The following BORCS5 variants were observed in gnomAD, a reference collection of about 807,000 sequenced individuals.
BORCS5 encodes BLOC-1-related complex subunit 5.
A neutral mutation model predicts 22.1 loss-of-function variants in BORCS5; 17 were observed. The observed-to-expected ratio is 0.77, with a 90% CI of 0.53 to 1.15. The LOEUF (loss-of-function observed/expected upper bound fraction) is 1.15. Among genes scored for constraint, BORCS5 ranks in the 50% most tolerant of loss-of-function variants. The pLI, the probability that BORCS5 is intolerant of heterozygous loss-of-function variation, is 0.00. For missense variants in BORCS5, 247 were observed against 253.2 expected (o/e 0.98, Z 0.17); for synonymous variants, 117 against 99.8 (o/e 1.17, Z -1.03).
intron 2 of BORCS5, among the ~76,000 whole-genome samples, chr12:12,429,559 G>A (rs1335071395): frequency 6.6e-6 from 1 of 151,966 alleles, no homozygotes; most frequent in African/African-American, 2.4e-5. Context: ...GGCTGCAATT[G>A]TGATTTATAA....
In BORCS5 at chr12:12,374,144, C is replaced by T. The variant is rs965189733; in HGVS notation, c.202+12795C>T. On this transcript the variant is annotated intron_variant, in intron 2 of 3. Coordinates refer to ENST00000314565, the MANE Select transcript of BORCS5 (RefSeq NM_058169.6). ...CTGGGACTACAGGTGCCCGCCACCACGTCTGGCTAATTTTTTTTTTGTATT... is the reference window on the plus strand; with the variant it reads ...CTGGGACTACAGGTGCCCGCCACCATGTCTGGCTAATTTTTTTTTTGTATT... Among the ~76,000 whole-genome samples the T allele has an allele frequency of 6.6e-5, 10 of 151,226 alleles. No homozygotes were observed. The East Asian group carries it at 1.6e-3, about 24-fold the overall frequency.
intron 3 of BORCS5, among the ~76,000 whole-genome samples, chr12:12,455,656 G>A (rs1366113807): frequency 6.6e-6 from 1 of 152,030 alleles, no homozygotes; most frequent in Non-Finnish European, 1.5e-5. Flanking sequence ...GCACACACCT[G>A]TAATCCCAGC....
At chr12:12,369,196 C>A (rs1391369908) in intron 2 of BORCS5, among the ~76,000 whole-genome samples, 1 of 152,144 alleles carries the variant, frequency 6.6e-6, no homozygotes. Flanking sequence ...TGTGTTATTA[C>A]CCCTGTCTTG....
Position 12,357,123 on chromosome 12 carries a change from G to A in BORCS5, c.-329G>A, listed in dbSNP as rs1020598652. 31 of 1,534,244 alleles carry A rather than the reference G, an allele frequency of 2.0e-5. No homozygotes were observed. In the Admixed American group the frequency reaches 5.5e-4, roughly 27 times the overall value. ...GAGCTTGCGGAGCGTGAACCAGTGAGTGAAAGCGGCGCCGCCCGCCGGCCG... is the reference window on the plus strand; with the variant it reads ...GAGCTTGCGGAGCGTGAACCAGTGAATGAAAGCGGCGCCGCCCGCCGGCCG... On this transcript the variant is annotated 5_prime_UTR_variant, in exon 1 of 4. In the 5' UTR this introduces an upstream ATG that the reference lacks. Transcript: ENST00000314565.
intron 2 of BORCS5, among the ~76,000 whole-genome samples, chr12:12,426,432 G>A (rs76046752): frequency 0.014 from 2,140 of 152,308 alleles, 40 homozygotes; most frequent in African/African-American, 0.048. Context: ...AGGATTCCTC[G>A]AAGACACTGA....
intron 3 of BORCS5, among the ~76,000 whole-genome samples, chr12:12,462,459 C>T (rs1281150311): frequency 6.6e-6 from 1 of 152,148 alleles, no homozygotes; most frequent in Non-Finnish European, 1.5e-5. Context: ...CACATAGATA[C>T]TGGGTCGAGG....
chr12:12,431,228 C>G (rs6488523), intron 2 of BORCS5, among the ~76,000 whole-genome samples: 29,323 of 152,048 alleles, frequency 0.19, 3,682 homozygotes, highest in African/African-American at 0.36. Context: ...AAGTATTTTT[C>G]ATGCTTTTCG....
intron 3 of BORCS5, among the ~76,000 whole-genome samples, chr12:12,464,674 T>G (rs1255698733): frequency 3.9e-5 from 6 of 152,022 alleles, no homozygotes; most frequent in Non-Finnish European, 8.8e-5. Flanking sequence ...GATGGCGGTC[T>G]CTCTCTCTAT....
At chr12:12,362,068 G>C (rs1863298700) in intron 2 of BORCS5, among the ~76,000 whole-genome samples, 1 of 152,124 alleles carries the variant, frequency 6.6e-6, no homozygotes, top group Non-Finnish European at 1.5e-5. Context: ...ATGAACATAA[G>C]GCCCTGGTTT....
At chr12:12,390,659 A>G (rs560917291) in intron 2 of BORCS5, among the ~76,000 whole-genome samples, 1 of 150,294 alleles carries the variant, frequency 6.7e-6, no homozygotes, top group African/African-American at 2.4e-5. Flanking sequence ...AGGTGGATGC[A>G]CCTGTAGCCT....
rs375972975 is a variant in BORCS5, at chr12:12,361,171, T to C, written c.59-35T>C. ...GCTTTGGTGAGGCAGAGATGCCTAA[T>C]ATGCATCTCCTAAGCAGTGTAACTT... On this transcript the variant is annotated intron_variant, in intron 1 of 3. Coordinates refer to ENST00000314565, the MANE Select transcript of BORCS5 (RefSeq NM_058169.6). 6 of 1,594,532 alleles carry C rather than the reference T, an allele frequency of 3.8e-6. No individual in the cohort carries two copies. The African/African-American group carries it at 8.0e-5, about 21-fold the overall frequency.
chr12:12,441,347 G>A (rs556397153), intron 3 of BORCS5, among the ~76,000 whole-genome samples: 2 of 152,282 alleles, frequency 1.3e-5, no homozygotes, highest in South Asian at 2.1e-4. Flanking sequence ...CACTGCCAAG[G>A]TTCAATCCTG....
intron 3 of BORCS5, among the ~76,000 whole-genome samples, chr12:12,442,111 A>T (rs1465344015): frequency 6.6e-6 from 1 of 152,212 alleles, no homozygotes; most frequent in African/African-American, 2.4e-5. Flanking sequence ...GCGAGGGATG[A>T]GGCTGGTGGC....
intron 2 of BORCS5, among the ~76,000 whole-genome samples, chr12:12,388,959 T>C (rs1168119542): frequency 6.6e-6 from 1 of 151,082 alleles, no homozygotes; most frequent in African/African-American, 2.4e-5. Flanking sequence ...GGCCTATTTA[T>C]TTTGGCCTCA....
intron 2 of BORCS5, among the ~76,000 whole-genome samples, chr12:12,386,006 T>TG (rs1863871079): frequency 6.8e-6 from 1 of 148,114 alleles, no homozygotes; most frequent in Non-Finnish European, 1.5e-5. Context: ...TCCATGTGGT[T>TG]TTTTTTTTTT....
chr12:12,431,944 T>G (rs1315353044), intron 2 of BORCS5, among the ~76,000 whole-genome samples: 1 of 152,122 alleles, frequency 6.6e-6, no homozygotes, highest in African/African-American at 2.4e-5. Context: ...TCTGCCCGCC[T>G]CAGCCTCCCA....
chr12:12,446,342 A>G (rs761502661), intron 3 of BORCS5, among the ~76,000 whole-genome samples: 1 of 152,178 alleles, frequency 6.6e-6, no homozygotes, highest in Non-Finnish European at 1.5e-5. Context: ...CCCAGAAAGG[A>G]ACTTTTAATA....
Position 12,361,265 on chromosome 12 carries a change from GGC to G in BORCS5, c.119_120del (p.Gly40ValfsTer70). 2.5e-6 allele frequency: 4 copies of G among 1,614,116 alleles called. No individual in the cohort carries two copies. The highest frequency in any genetic ancestry group is 3.4e-6 in the Non-Finnish European group (4 of 1,180,020). On this transcript the variant is annotated frameshift_variant, in exon 2 of 4. Transcript: ENST00000314565. LOFTEE classifies it high-confidence loss of function. ...KMDDIVVVAQGSQASRNVSND... is the reference protein window; with the variant it reads ...KMDDIVVVAQXSQASRNVSND... The stretch of plus-strand genomic sequence containing the variant: ...GGATGATATTGTGGTTGTAGCTCAG[GGC>G]TCCCAGGCCTCACGGAACGTCAGCA...
chr12:12,393,397 G>T (rs1941248905), intron 2 of BORCS5, among the ~76,000 whole-genome samples: 1 of 151,974 alleles, frequency 6.6e-6, no homozygotes. Context: ...TCCACTTTCT[G>T]AACTTGAGAT....
Sources: gnomAD v4.1 joint callset for allele counts (sites outside exome capture counted in the v4.1 genomes callset) on GRCh38, gnomAD v4.1.1 for gene constraint, MANE v1.5 for transcripts, NCBI Gene and HGNC (gene_info 2026-07-23, HGNC 2026-07-21) for gene names.